The following FARP1 variants were observed in gnomAD, a reference collection of about 807,000 sequenced individuals.
The protein encoded by FARP1 is FERM, ARH/RhoGEF and pleckstrin domain protein 1.
FARP1 carries 52 observed loss-of-function variants against 128.8 expected under a neutral mutation model. That is an observed-to-expected ratio of 0.40 (90% CI 0.32 to 0.51). The LOEUF (loss-of-function observed/expected upper bound fraction) is 0.51, where lower values mean the gene tolerates loss of function less well. FARP1 is among the 20% of genes least tolerant of loss of function. FARP1 has a pLI of 0.45. For synonymous variants in FARP1, 580 were observed against 551.8 expected (o/e 1.05, Z -0.72); for missense variants, 1,333 against 1,367.9 (o/e 0.97, Z 0.40).
intron 2 of FARP1, among the ~76,000 whole-genome samples, chr13:98,291,947 G>A (rs960167669): frequency 2.0e-5 from 3 of 152,206 alleles, no homozygotes; most frequent in Non-Finnish European, 2.9e-5. Flanking sequence ...AGTCCTTGGT[G>A]GGGAAACAAT....
intron 2 of FARP1, among the ~76,000 whole-genome samples, chr13:98,292,469 T>A (rs1885492713): frequency 6.6e-6 from 1 of 152,228 alleles, no homozygotes; most frequent in Non-Finnish European, 1.5e-5. Flanking sequence ...AAATGTAGTA[T>A]CTCATGGCCA....
At chr13:98,280,560 C>A (rs1884885932) in intron 2 of FARP1, among the ~76,000 whole-genome samples, 1 of 152,208 alleles carries the variant, frequency 6.6e-6, no homozygotes, top group Non-Finnish European at 1.5e-5. Flanking sequence ...GGCCGGACAC[C>A]CGGTGTACTG....
intron 13 of FARP1, chr13:98,402,492 A>C (rs1299641217): frequency 6.6e-6 from 1 of 152,216 alleles, no homozygotes; most frequent in Non-Finnish European, 1.5e-5. Flanking sequence ...CATGGTGACC[A>C]GTCTGTTATT....
chr13:98,160,277 C>G (rs918365999), intron 1 of FARP1, among the ~76,000 whole-genome samples: 3 of 152,154 alleles, frequency 2.0e-5, no homozygotes, highest in Non-Finnish European at 4.4e-5. Context: ...TGCCAGCACT[C>G]TGGCAGGTGT....
rs148802084 is a variant in FARP1 at position 98,148,382 on chromosome 13, A to G, written c.-24+4890A>G. Among the ~76,000 whole-genome samples the G allele has an allele frequency of 4.1e-3, 620 of 151,724 alleles. 5 individuals are homozygous for G. Among genetic ancestry groups the G allele is most frequent in the African/African-American group, 0.015 (601 of 41,056 alleles). On this transcript the variant is annotated intron_variant, in intron 1 of 26. Transcript: ENST00000319562. ...AACAAAAGTGAAACTCCGTTTCAAG[A>G]AAACACAAGACAATAAAAGCATGAA...
At chr13:98,429,801 C>T (rs527687839) in intron 17 of FARP1, among the ~76,000 whole-genome samples, 1 of 152,370 alleles carries the variant, frequency 6.6e-6, no homozygotes, top group East Asian at 1.9e-4. Flanking sequence ...GCATTTTCCT[C>T]TCTGACTTGG....
chr13:98,394,574 G>A (rs1314290215), intron 12 of FARP1, among the ~76,000 whole-genome samples: 1 of 152,192 alleles, frequency 6.6e-6, no homozygotes, highest in Admixed American at 6.5e-5. Context: ...GGCCAAGGCG[G>A]GAGGATCACT....
chr13:98,366,724 A>G (rs1889101954), intron 4 of FARP1, among the ~76,000 whole-genome samples: 1 of 152,204 alleles, frequency 6.6e-6, no homozygotes, highest in African/African-American at 2.4e-5. Context: ...CGCTCAGTGA[A>G]AATCGCAGAG....
chr13:98,250,119 C>T (rs2139486271), intron 2 of FARP1, among the ~76,000 whole-genome samples: 1 of 152,310 alleles, frequency 6.6e-6, no homozygotes, highest in South Asian at 2.1e-4. Flanking sequence ...GAACACCAAA[C>T]ATTGGGGTGG....
At chr13:98,428,971 A>G (rs528076145) in intron 17 of FARP1, among the ~76,000 whole-genome samples, 1 of 152,360 alleles carries the variant, frequency 6.6e-6, no homozygotes, top group Non-Finnish European at 1.5e-5. Context: ...AATCTGAATA[A>G]GCTCTGTGGG....
intron 1 of FARP1, among the ~76,000 whole-genome samples, chr13:98,149,715 C>CTGTTAGATAT: frequency 7.6e-6 from 1 of 130,748 alleles, no homozygotes; most frequent in African/African-American, 2.9e-5. Context: ...TTGTGAGTGT[C>CTGTTAGATAT]TGTTAGATAT....
chr13:98,347,719 A>T (rs1036785240), intron 3 of FARP1, among the ~76,000 whole-genome samples: 2 of 152,026 alleles, frequency 1.3e-5, no homozygotes, highest in African/African-American at 4.8e-5. Flanking sequence ...CATCACTATT[A>T]TTTTTTAATA....
At chr13:98,183,779 G>C (rs1235605700) in intron 1 of FARP1, among the ~76,000 whole-genome samples, 1 of 152,122 alleles carries the variant, frequency 6.6e-6, no homozygotes, top group Admixed American at 6.5e-5. Flanking sequence ...GCTCATACTC[G>C]CTGCCTCCAC....
chr13:98,403,805 G>A (rs188509996), intron 13 of FARP1: 11 of 152,370 alleles, frequency 7.2e-5, no homozygotes, highest in Non-Finnish European at 1.5e-4. Context: ...TCATGTCACA[G>A]TGTATGCACG....
intron 15 of FARP1, 102 bp from the exon 16 acceptor site, chr13:98,411,799 G>A: frequency 7.8e-7 from 1 of 1,285,286 alleles, no homozygotes; most frequent in Non-Finnish European, 1.1e-6. Context: ...GGAAAGCCCT[G>A]GCTCCTCCCA....
At chr13:98,266,897 C>T (rs1171432653) in intron 2 of FARP1, among the ~76,000 whole-genome samples, 1 of 151,160 alleles carries the variant, frequency 6.6e-6, no homozygotes, top group Non-Finnish European at 1.5e-5. Flanking sequence ...GTCTGTAATC[C>T]CAGCTACTCA....
intron 1 of FARP1, among the ~76,000 whole-genome samples, chr13:98,151,595 T>C (rs1375480741): frequency 6.6e-6 from 1 of 150,892 alleles, no homozygotes; most frequent in African/African-American, 2.4e-5. Flanking sequence ...GCACAGGATA[T>C]CAAAGGTGAC....
chr13:98,417,651 G>A (rs567359392), intron 16 of FARP1, among the ~76,000 whole-genome samples: 1 of 152,062 alleles, frequency 6.6e-6, no homozygotes, highest in African/African-American at 2.4e-5. Flanking sequence ...TGAGGGATTG[G>A]AGATCCCTCC....
chr13:98,258,978 C>T (rs1046256109), intron 2 of FARP1, among the ~76,000 whole-genome samples: 5 of 152,090 alleles, frequency 3.3e-5, no homozygotes, highest in South Asian at 4.1e-4. Flanking sequence ...GAGGCCAAGG[C>T]GGGAGGATCG....
Sources: gnomAD v4.1 joint callset for allele counts (sites outside exome capture counted in the v4.1 genomes callset) on GRCh38, gnomAD v4.1.1 for gene constraint, MANE v1.5 for transcripts, NCBI Gene and HGNC (gene_info 2026-07-23, HGNC 2026-07-21) for gene names.